Variants in ADAMTS2 observed in about 807,000 individuals in gnomAD.
ADAMTS2 encodes the protein ADAM metallopeptidase with thrombospondin type 1 motif 2.
Under a neutral mutation model 123.0 loss-of-function variants are expected in ADAMTS2, and 50 were observed. That is an observed-to-expected ratio of 0.41 (90% CI 0.32 to 0.51). The LOEUF (loss-of-function observed/expected upper bound fraction) is 0.51, where lower values mean the gene tolerates loss of function less well. Ranked by LOEUF, ADAMTS2 falls within the 20% of genes least tolerant of loss-of-function variation. The pLI is 0.35. For missense variants in ADAMTS2, 1,494 were observed against 1,705.2 expected (o/e 0.88, Z 2.18); for synonymous variants, 678 against 695.4 (o/e 0.98, Z 0.39).
chr5:179,274,415 G>A (rs530281115), intron 2 of ADAMTS2, among the ~76,000 whole-genome samples: 39 of 152,206 alleles, frequency 2.6e-4, no homozygotes, highest in Non-Finnish European at 4.8e-4. Flanking sequence ...AGAAAAGCTG[G>A]CATTTCCAGC....
chr5:179,281,005 A>C (rs1165503530), intron 2 of ADAMTS2, among the ~76,000 whole-genome samples: 1 of 152,100 alleles, frequency 6.6e-6, no homozygotes, highest in Non-Finnish European at 1.5e-5. Context: ...TTACTGGTAC[A>C]CACCACCACA....
At chr5:179,243,349 G>A (rs908216414) in intron 3 of ADAMTS2, among the ~76,000 whole-genome samples, 1 of 152,164 alleles carries the variant, frequency 6.6e-6, no homozygotes, top group Non-Finnish European at 1.5e-5. Context: ...AGCTGGGTGT[G>A]ATACCAAATG....
chr5:179,140,157 C>T, intron 10 of ADAMTS2, 122 bp from the exon 11 acceptor site: 2 of 1,424,936 alleles, frequency 1.4e-6, no homozygotes, highest in Non-Finnish European at 2.0e-6. Context: ...ACAGGGGGAG[C>T]TCACCCTCCT....
intron 2 of ADAMTS2, among the ~76,000 whole-genome samples, chr5:179,310,210 C>A (rs1756791769): frequency 6.6e-6 from 1 of 152,252 alleles, no homozygotes; most frequent in Non-Finnish European, 1.5e-5. Context: ...GCTGTGGGGG[C>A]CTGTGGACGG....
chr5:179,181,232 C>T lies in ADAMTS2; in HGVS notation c.892-77G>A. ...CTGGCTCTGCCAATGGGATGACCCC[C>T]ACCTGCTCCTTCTTCTTCCCATGCT... is the stretch of plus-strand genomic sequence containing the variant. On this transcript the variant is annotated intron_variant, in intron 4 of 21. Transcript: ENST00000251582. The surrounding 1 kb of genome is among the most constrained non-coding windows in gnomAD (Gnocchi z 4.1). 4 of 1,028,298 alleles carry T rather than the reference C, an allele frequency of 3.9e-6. No homozygotes were observed. In the Admixed American group the frequency reaches 6.9e-5, roughly 18 times the overall value. 63.7% of individuals were successfully genotyped at this position (1,028,298 alleles called of 1,614,324 possible). A position where few individuals can be genotyped will look rare whatever the true frequency, so the allele number is the denominator to read the frequency against.
chr5:179,326,251 T>C (rs1029405174), intron 2 of ADAMTS2, among the ~76,000 whole-genome samples: 3 of 151,338 alleles, frequency 2.0e-5, no homozygotes, highest in Non-Finnish European at 4.4e-5. Context: ...GCCGGGCAGC[T>C]GCCCCAGGAA....
chr5:179,167,819 C>T (rs113275396), intron 5 of ADAMTS2, among the ~76,000 whole-genome samples: 29 of 152,214 alleles, frequency 1.9e-4, no homozygotes, highest in Non-Finnish European at 8.8e-5. Flanking sequence ...GGGGCTTCCG[C>T]CCATGACAGT....
rs1236250758 is a variant in ADAMTS2, at chr5:179,285,570, CA to C, written c.535-12507del. ...CCAGACCCAGCCAGGACACAGAGGT[CA>C]GTGGGTCAGACCCAGACTCTGGGAC... On this transcript the variant is annotated intron_variant, in intron 2 of 21. Coordinates refer to ENST00000251582, the MANE Select transcript of ADAMTS2 (RefSeq NM_014244.5). This position sits in a 1 kb window ranked among gnomAD's most constrained non-coding sequence, Gnocchi z 4.9. 6.6e-6 allele frequency among the ~76,000 whole-genome samples: 1 copy of C among 152,206 alleles called. No homozygotes were observed. Among genetic ancestry groups the C allele is most frequent in the Non-Finnish European group, 1.5e-5 (1 of 68,038 alleles).
chr5:179,122,659 G>T lies in ADAMTS2; in HGVS notation c.3073C>A (p.Leu1025Ile), dbSNP rs781386762. The T allele has an allele frequency of 3.4e-5, 53 of 1,551,342 alleles. No homozygotes were observed. Among genetic ancestry groups the T allele is most frequent in the Non-Finnish European group, 4.4e-5 (50 of 1,147,522 alleles). Residue 1025 changes from leucine (L) to isoleucine (I), a missense_variant, in exon 20 of 22, where the codon CTT becomes ATT. Physicochemically the swap from Leu to Ile is conservative, Grantham distance 5. Transcript: ENST00000251582. Reference protein sequence around the residue: ...ERPETARTCRLGPCPRNISDP... With the variant: ...ERPETARTCRIGPCPRNISDP... ...GGTGGCTTACGGGGACAGGGGCCAA[G>T]CCTGCAGGTCCTCGCTGTCTCAGGA...
intron 9 of ADAMTS2, among the ~76,000 whole-genome samples, chr5:179,153,073 G>A (rs1455173846): frequency 6.6e-6 from 1 of 152,202 alleles, no homozygotes; most frequent in Non-Finnish European, 1.5e-5. Context: ...TGGCCCTGGA[G>A]AGCAGCGAGT....
At position 179,136,155 on chromosome 5, in the gene ADAMTS2, C is replaced by T. The variant is rs573710687; in HGVS notation, c.1952-113G>A. The T allele has an allele frequency of 2.7e-6, 4 of 1,500,312 alleles. No individual in the cohort carries two copies. In the South Asian group the frequency reaches 4.5e-5, roughly 17 times the overall value. The allele number at this position is 1,500,312 out of a possible 1,614,324, so 92.9% of individuals were successfully genotyped here. ...CACAAGGGTCCCCACGTGGCCCACC[C>T]TCCAGGGCAGACAGAGAGGGAAAGG... On this transcript the variant is annotated intron_variant, in intron 12 of 21. Coordinates refer to ENST00000251582, the MANE Select transcript of ADAMTS2 (RefSeq NM_014244.5).
At chr5:179,138,070 G>T in intron 11 of ADAMTS2, 126 bp from the exon 12 acceptor site, 1 of 1,098,488 alleles carries the variant, frequency 9.1e-7, no homozygotes, top group Non-Finnish European at 1.3e-6. Flanking sequence ...GCTCTGCTGA[G>T]CAAAGGGACC....
chr5:179,177,341 T>C (rs1763955323), intron 5 of ADAMTS2, among the ~76,000 whole-genome samples: 1 of 152,220 alleles, frequency 6.6e-6, no homozygotes, highest in Non-Finnish European at 1.5e-5. Flanking sequence ...TTACTTCTAT[T>C]TTTAGAAGTG....
Position 179,152,269 on chromosome 5 carries a change from C to T in ADAMTS2, c.1516-14G>A. The T allele has an allele frequency of 4.3e-6, 7 of 1,612,628 alleles. No individual in the cohort carries two copies. Among genetic ancestry groups the T allele is most frequent in the Non-Finnish European group, 5.9e-6 (7 of 1,178,824 alleles). ...AAAGGTCCGGAACTGGAAGACAGCA[C>T]CATAGCTTGCCAGGTCCCTCCCACC... is the stretch of plus-strand genomic sequence containing the variant. On this transcript the variant is annotated splice_polypyrimidine_tract_variant and intron_variant, in intron 9 of 21. Coordinates refer to ENST00000251582, the MANE Select transcript of ADAMTS2 (RefSeq NM_014244.5).
At chr5:179,281,426 T>C (rs544548810) in intron 2 of ADAMTS2, among the ~76,000 whole-genome samples, 141 of 152,380 alleles carry the variant, frequency 9.3e-4, no homozygotes, top group African/African-American at 3.2e-3. Flanking sequence ...ACATTTCATA[T>C]ACGTGGAATC....
chr5:179,224,387 C>T (rs1765224051), intron 3 of ADAMTS2, among the ~76,000 whole-genome samples: 1 of 152,210 alleles, frequency 6.6e-6, no homozygotes, highest in Admixed American at 6.5e-5. Context: ...CTGTGGGTCC[C>T]TGCTAGGCTG....
rs772310335 is a variant in ADAMTS2 at position 179,283,948 on chromosome 5, T to G, written c.535-10884A>C. Among the ~76,000 whole-genome samples, 117 of 82,966 alleles carry G rather than the reference T, an allele frequency of 1.4e-3. 1 individual carries two copies. Among genetic ancestry groups the G allele is most frequent in the East Asian group, 4.3e-3 (19 of 4,374 alleles). The allele number at this position is 82,966 out of a possible 152,430, so 54.4% of individuals were successfully genotyped here. On this transcript the variant is annotated intron_variant, in intron 2 of 21. Transcript: ENST00000251582. ...ACAAAACAATAAATGGTCAGATGAT[T>G]ATTATTATTATTATTATTATTATTA...
At position 179,345,186 on chromosome 5, in the gene ADAMTS2, C is replaced by T. The variant is rs1023653032; in HGVS notation, c.139+4G>A. On this transcript the variant is annotated splice_donor_region_variant and intron_variant, in intron 1 of 21. Transcript: ENST00000251582. This position sits in a 1 kb window ranked among gnomAD's most constrained non-coding sequence, Gnocchi z 7.5. ...CCGGGGAGTAGGGGCCGGGCCGCAC[C>T]TACCTGGGGGGTCGGCGGCGGCGGC... 297 of 1,106,100 alleles carry T rather than the reference C, an allele frequency of 2.7e-4. No homozygotes were observed. In the African/African-American group the frequency reaches 4.5e-3, roughly 17 times the overall value. The allele number at this position is 1,106,100 out of a possible 1,614,324, so 68.5% of individuals were successfully genotyped here. A position where few individuals can be genotyped will look rare whatever the true frequency, so the allele number is the denominator to read the frequency against.
At chr5:179,292,342 C>T (rs896799778) in intron 2 of ADAMTS2, among the ~76,000 whole-genome samples, 1 of 150,898 alleles carries the variant, frequency 6.6e-6, no homozygotes, top group African/African-American at 2.4e-5. Context: ...TATTACCCCC[C>T]AGCTGTGGGA....
Sources: gnomAD v4.1 joint callset for allele counts (sites outside exome capture counted in the v4.1 genomes callset) on GRCh38, gnomAD v4.1.1 for gene constraint, Gnocchi (gnomAD v3.1) non-coding constraint, MANE v1.5 for transcripts, NCBI Gene and HGNC (gene_info 2026-07-23, HGNC 2026-07-21) for gene names.